The following FSHR variants were observed in gnomAD, a reference collection of about 807,000 sequenced individuals.
FSHR encodes follicle-stimulating hormone receptor.
In FSHR, 46 loss-of-function variants were observed where a neutral mutation model predicts 52.1. The observed-to-expected ratio is 0.88, with a 90% CI of 0.70 to 1.13. The LOEUF (loss-of-function observed/expected upper bound fraction) is 1.13. FSHR is among the 50% of genes most tolerant of loss of function. The pLI, the probability that FSHR is intolerant of heterozygous loss-of-function variation, is 0.00. For synonymous variants in FSHR, 399 were observed against 309.6 expected (o/e 1.29, Z -3.03); for missense variants, 964 against 834.6 (o/e 1.16, Z -1.91).
chr2:48,983,656 G>A (rs1437500487), intron 6 of FSHR, among the ~76,000 whole-genome samples: 1 of 152,214 alleles, frequency 6.6e-6, no homozygotes, highest in African/African-American at 2.4e-5. Context: ...GTCATCAAAA[G>A]TGATCTAATT....
intron 1 of FSHR, among the ~76,000 whole-genome samples, chr2:49,123,743 A>G (rs757409365): frequency 7.2e-5 from 11 of 152,120 alleles, no homozygotes; most frequent in Admixed American, 5.2e-4. Context: ...CCCAGGGGAG[A>G]GAGAGAGAAG....
chr2:49,141,057 C>A (rs1050533751), intron 1 of FSHR, among the ~76,000 whole-genome samples: 1 of 152,196 alleles, frequency 6.6e-6, no homozygotes, highest in African/African-American at 2.4e-5. Flanking sequence ...TGATACCACC[C>A]ACTCTATAGA....
intron 8 of FSHR, among the ~76,000 whole-genome samples, chr2:48,980,906 T>C (rs1445259026): frequency 2.0e-5 from 3 of 152,176 alleles, no homozygotes; most frequent in South Asian, 4.1e-4. Context: ...AGATTCAATA[T>C]TGTACCTGGT....
At chr2:49,130,990 G>T (rs935749520) in intron 1 of FSHR, among the ~76,000 whole-genome samples, 1 of 152,118 alleles carries the variant, frequency 6.6e-6, no homozygotes, top group Admixed American at 6.5e-5. Flanking sequence ...TTGATAAATT[G>T]ATTTCTCTGG....
At chr2:49,080,467 A>C (rs2103654307) in intron 1 of FSHR, among the ~76,000 whole-genome samples, 1 of 152,326 alleles carries the variant, frequency 6.6e-6, no homozygotes, top group Non-Finnish European at 1.5e-5. Flanking sequence ...AAATACAATT[A>C]ATGCACTGTG....
At chr2:49,129,906 A>C (rs1672204832) in intron 1 of FSHR, among the ~76,000 whole-genome samples, 1 of 152,198 alleles carries the variant, frequency 6.6e-6, no homozygotes, top group Non-Finnish European at 1.5e-5. Context: ...TCAGGAAATT[A>C]GGACAATTTA....
Position 49,150,889 on chromosome 2 carries a change from G to T in FSHR, c.152+3377C>A, listed in dbSNP as rs76825916. ...CTTGCCCCATGTTTTTCTATGGCCA[G>T]TAAGCTAAAAATCTTTCTCACCTTT... On this transcript the variant is annotated intron_variant, in intron 1 of 9. Transcript: ENST00000406846. Among the ~76,000 whole-genome samples, 80 of 152,002 alleles carry T rather than the reference G, an allele frequency of 5.3e-4. 3 individuals are homozygous for T. The East Asian group carries it at 0.014, about 26-fold the overall frequency.
At chr2:49,050,337 GA>G (rs2104300430) in intron 2 of FSHR, among the ~76,000 whole-genome samples, 1 of 152,246 alleles carries the variant, frequency 6.6e-6, no homozygotes, top group Non-Finnish European at 1.5e-5. Context: ...AACTTGAAAG[GA>G]AAATAGCTCC....
rs143487725 is a variant in FSHR, at chr2:49,079,532, C to T, written c.153-11242G>A. On this transcript the variant is annotated intron_variant, in intron 1 of 9. Coordinates refer to ENST00000406846, the MANE Select transcript of FSHR (RefSeq NM_000145.4). ...TAGAGTGATTAAAATATTATGATATCGACAGGGATTTAAAAAAATAGACCA... is the reference window on the plus strand; with the variant it reads ...TAGAGTGATTAAAATATTATGATATTGACAGGGATTTAAAAAAATAGACCA... 3.7e-3 allele frequency among the ~76,000 whole-genome samples: 565 copies of T among 151,874 alleles called. 3 individuals are homozygous for T. Among genetic ancestry groups the T allele is most frequent in the Non-Finnish European group, 4.5e-3 (307 of 67,908 alleles).
chr2:49,085,276 C>A (rs368117808), intron 1 of FSHR, among the ~76,000 whole-genome samples: 1 of 152,204 alleles, frequency 6.6e-6, no homozygotes, highest in Admixed American at 6.5e-5. Context: ...GCAGAAAAGG[C>A]CTTTGACAAA....
chr2:49,098,889 A>T (rs1326925004), intron 1 of FSHR, among the ~76,000 whole-genome samples: 3 of 146,858 alleles, frequency 2.0e-5, no homozygotes, highest in Non-Finnish European at 4.5e-5. Flanking sequence ...TCCATATATT[A>T]TACTTATATA....
In FSHR at chr2:49,047,845, A is replaced by G. The variant is rs1013271366; in HGVS notation, c.224+20374T>C. ...TTGATTGTACTATCATTTCACAAAT[A>G]TGTACACATATCAAAACTTCAGGTT... is the stretch of plus-strand genomic sequence containing the variant. On this transcript the variant is annotated intron_variant, in intron 2 of 9. Coordinates refer to ENST00000406846, the MANE Select transcript of FSHR (RefSeq NM_000145.4). Among the ~76,000 whole-genome samples, 15 of 152,186 alleles carry G rather than the reference A, an allele frequency of 9.9e-5. 1 individual carries two copies. The highest frequency in any genetic ancestry group is 3.6e-4 in the African/African-American group (15 of 41,454).
intron 8 of FSHR, 33 bp from the exon 9 acceptor site, chr2:48,968,916 ACTATGGAC>A: frequency 1.3e-6 from 2 of 1,596,806 alleles, no homozygotes; most frequent in Non-Finnish European, 8.6e-7. Flanking sequence ...TAACAGGATT[ACTATGGAC>A]CTAAAACTTT....
chr2:49,037,760 A>C (rs1420655062), intron 2 of FSHR, among the ~76,000 whole-genome samples: 2 of 152,220 alleles, frequency 1.3e-5, no homozygotes, highest in Non-Finnish European at 2.9e-5. Context: ...AAAAGATGTT[A>C]AATTGGAAAG....
At chr2:49,000,367 G>A (rs1159601412) in intron 4 of FSHR, among the ~76,000 whole-genome samples, 2 of 152,108 alleles carry the variant, frequency 1.3e-5, no homozygotes, top group African/African-American at 4.8e-5. Context: ...TGAGAAAATA[G>A]GCCTGACTTG....
At chr2:49,041,197 AT>A (rs1668468744) in intron 2 of FSHR, among the ~76,000 whole-genome samples, 1 of 152,042 alleles carries the variant, frequency 6.6e-6, no homozygotes, top group Admixed American at 6.6e-5. Flanking sequence ...CTTAGCTCTG[AT>A]TTTTTTCATA....
chr2:49,025,968 G>C (rs534015685), intron 2 of FSHR, among the ~76,000 whole-genome samples: 1 of 152,254 alleles, frequency 6.6e-6, no homozygotes. Flanking sequence ...TTCAAGGTGG[G>C]ACATGTCAGG....
chr2:48,969,414 AGTG>A (rs1674631572), intron 8 of FSHR, among the ~76,000 whole-genome samples: 1 of 152,218 alleles, frequency 6.6e-6, no homozygotes, highest in Non-Finnish European at 1.5e-5. Flanking sequence ...GGCAGTACAG[AGTG>A]GTGGTTACGA....
At chr2:49,006,565 C>T (rs1445455050) in intron 4 of FSHR, among the ~76,000 whole-genome samples, 2 of 151,998 alleles carry the variant, frequency 1.3e-5, no homozygotes, top group African/African-American at 4.8e-5. Flanking sequence ...ATTTATTCTT[C>T]TTTTATGTCT....
Sources: gnomAD v4.1 joint callset for allele counts (sites outside exome capture counted in the v4.1 genomes callset) on GRCh38, gnomAD v4.1.1 for gene constraint, MANE v1.5 for transcripts, NCBI Gene and HGNC (gene_info 2026-07-23, HGNC 2026-07-21) for gene names.